Variants in SERF2 observed in about 807,000 individuals in gnomAD.
SERF2 encodes the protein gastric cancer-related protein VRG107.
In SERF2, 4 loss-of-function variants were observed where a neutral mutation model predicts 10.7. The ratio of observed to expected loss-of-function variants is 0.37; its 90% CI spans 0.18 to 0.86. The LOEUF is 0.86. Ranked by LOEUF, SERF2 falls within the 40% of genes least tolerant of loss-of-function variation. The probability of loss-of-function intolerance (pLI) is 0.43; values close to 1 mark genes in which losing one functional copy is unlikely to be tolerated. For synonymous variants in SERF2, 26 were observed against 26.0 expected, an observed-to-expected ratio of 1.00 and a Z score of 0.01; for missense variants, 47 against 79.1, an observed-to-expected ratio of 0.59 and a Z score of 1.54.
At chr15:43,789,184 C>G (rs1311441902), upstream of SERF2, among the ~76,000 whole-genome samples, 2 of 151,512 alleles carry the variant, frequency 1.3e-5, no homozygotes, top group African/African-American at 4.9e-5. Flanking sequence ...CTAAATGTAC[C>G]AAATAAAAAC....
rs200128740 is a variant in SERF2, at chr15:43,795,666, T to G, written c.*1893T>G. 43 of 1,613,536 alleles carry G rather than the reference T, an allele frequency of 2.7e-5. No individual in the cohort carries two copies. The highest frequency in any genetic ancestry group is 9.3e-5 in the African/African-American group (7 of 74,940). ...CTCCACAGAGATCTACCACTTCTTATGGTTCCTCACTTGGCACTCACCTTT... is the reference window on the plus strand; with the variant it reads ...CTCCACAGAGATCTACCACTTCTTAGGGTTCCTCACTTGGCACTCACCTTT... On this transcript the variant is annotated 3_prime_UTR_variant, in exon 3 of 3. Coordinates refer to ENST00000249786, the MANE Select transcript of SERF2 (RefSeq NM_001018108.4).
rs113368457 is a variant in SERF2 at position 43,783,846 on chromosome 15, C to T, written c.-526-1564C>T. Among the ~76,000 whole-genome samples the T allele has an allele frequency of 4.3e-3, 655 of 151,710 alleles. 4 individuals are homozygous for T. The highest frequency in any genetic ancestry group is 7.4e-3 in the Non-Finnish European group (500 of 67,912). ...ACGTGATCTTGGCTCACTGAAACCT[C>T]CACCTCTGGGTTCATGTGATTCTCC... On this transcript the variant is annotated intron_variant, in intron 1 of 4. Coordinates refer to the SERF2 transcript ENST00000381359.
upstream of SERF2, among the ~76,000 whole-genome samples, chr15:43,790,765 T>A (rs118169162): frequency 4.0e-5 from 6 of 151,590 alleles, no homozygotes; most frequent in Non-Finnish European, 5.9e-5. Flanking sequence ...ATTAACTGTT[T>A]ATTTATTATT....
chr15:43,782,081 G>A (rs1262419013), intron 1 of SERF2, among the ~76,000 whole-genome samples: 1 of 151,868 alleles, frequency 6.6e-6, no homozygotes, highest in African/African-American at 2.4e-5. Context: ...TAGAGATGGG[G>A]TTTCACCATG....
chr15:43,795,537 T>C lies in SERF2; in HGVS notation c.*1764T>C. 1 of 1,614,132 alleles carries C rather than the reference T, an allele frequency of 6.2e-7. No homozygotes were observed. Among genetic ancestry groups the C allele is most frequent in the Non-Finnish European group, 8.5e-7 (1 of 1,180,026 alleles). On this transcript the variant is annotated 3_prime_UTR_variant, in exon 3 of 3. Transcript: ENST00000249786. ...CAGCTGGCCTCGCAGCCCCACCCCT[T>C]TGCCCTGGAGAGAGGAAATGGCTGC...
chr15:43,779,959 T>C (rs567777094), intron 1 of SERF2, among the ~76,000 whole-genome samples: 2 of 152,312 alleles, frequency 1.3e-5, no homozygotes, highest in African/African-American at 4.8e-5. Context: ...TACATCTAAA[T>C]ATTGTTTGCA....
In SERF2 at chr15:43,795,089, A is replaced by G. The variant is rs151106509; in HGVS notation, c.*1316A>G. ...GGCTGGGGTTTCTGGGTGGGGGGCC[A>G]ACAGAGTGGTGCCAGTAACAGCCCC... is the stretch of plus-strand genomic sequence containing the variant. On this transcript the variant is annotated 3_prime_UTR_variant, in exon 3 of 3. Coordinates refer to ENST00000249786, the MANE Select transcript of SERF2 (RefSeq NM_001018108.4). The G allele has an allele frequency of 4.3e-4, 699 of 1,613,824 alleles. 1 individual carries two copies. Among genetic ancestry groups the G allele is most frequent in the Middle Eastern group, 1.4e-3 (8 of 5,826 alleles).
At position 43,792,334 on chromosome 15, in the gene SERF2, C is replaced by G; in HGVS notation, c.-43C>G. 6.6e-7 allele frequency: 1 copy of G among 1,518,784 alleles called. No individual in the cohort carries two copies. The highest frequency in any genetic ancestry group is 2.3e-5 in the East Asian group (1 of 44,340). 94.1% of individuals were successfully genotyped at this position (1,518,784 alleles called of 1,614,324 possible). On this transcript the variant is annotated 5_prime_UTR_variant, in exon 1 of 3. Transcript: ENST00000249786. ...GCGGGACCTGCAACGTCCGACAGAACGAGGGGACGTAACGGAGGCAGGTTG... is the reference window on the plus strand; with the variant it reads ...GCGGGACCTGCAACGTCCGACAGAAGGAGGGGACGTAACGGAGGCAGGTTG...
intron 2 of SERF2, 158 bp downstream of exon 2, chr15:43,793,241 A>C: frequency 3.3e-6 from 2 of 598,846 alleles, no homozygotes; most frequent in Non-Finnish European, 6.0e-6. Flanking sequence ...CCACCCTCCA[A>C]ATTGTTAGCT....
At chr15:43,784,925 G>C (rs1382043767) in intron 1 of SERF2, among the ~76,000 whole-genome samples, 1 of 146,408 alleles carries the variant, frequency 6.8e-6, no homozygotes, top group Non-Finnish European at 1.5e-5. Context: ...GCTAATTTTT[G>C]TATTTTTAGT....
chr15:43,794,086 GT>G lies in SERF2; in HGVS notation c.*315del. 9.3e-7 allele frequency: 1 copy of G among 1,075,288 alleles called. No homozygotes were observed. The highest frequency in any genetic ancestry group is 1.3e-6 in the Non-Finnish European group (1 of 774,318). 66.6% of individuals were successfully genotyped at this position (1,075,288 alleles called of 1,614,324 possible). ...TTGACTGGGGACTTGGGGGGATGGG[GT>G]TGGAAGAATGACTGCCCTTTCCCAC... On this transcript the variant is annotated 3_prime_UTR_variant, in exon 3 of 3. Coordinates refer to ENST00000249786, the MANE Select transcript of SERF2 (RefSeq NM_001018108.4).
chr15:43,785,933 T>C (rs561015114), intron 2 of SERF2, among the ~76,000 whole-genome samples: 1 of 151,966 alleles, frequency 6.6e-6, no homozygotes, highest in South Asian at 2.1e-4. Context: ...CTTGTACTCC[T>C]GACCTCAAGT....
At position 43,795,407 on chromosome 15, in the gene SERF2, T is replaced by C; in HGVS notation, c.*1634T>C. 1 of 1,614,102 alleles carries C rather than the reference T, an allele frequency of 6.2e-7. No individual in the cohort carries two copies. On this transcript the variant is annotated 3_prime_UTR_variant, in exon 3 of 3. Coordinates refer to ENST00000249786, the MANE Select transcript of SERF2 (RefSeq NM_001018108.4). ...TCTTACCTGAACCAGTTGGTAAGGGTAACCATGACATAGAGTGAGGCAAGG... is the reference window on the plus strand; with the variant it reads ...TCTTACCTGAACCAGTTGGTAAGGGCAACCATGACATAGAGTGAGGCAAGG...
Position 43,794,787 on chromosome 15 carries a change from G to T in SERF2, c.*1014G>T. On this transcript the variant is annotated 3_prime_UTR_variant, in exon 3 of 3. Transcript: ENST00000249786. Reference sequence around the variant, plus strand: ...ATTTGGGTGTTAGGCTCTTGAGCTGGGATGCAGATGTAACAGTAGCTCCAG... The same window carrying T: ...ATTTGGGTGTTAGGCTCTTGAGCTGTGATGCAGATGTAACAGTAGCTCCAG... The T allele has an allele frequency of 3.8e-6, 2 of 527,536 alleles. No individual in the cohort carries two copies. Among genetic ancestry groups the T allele is most frequent in the Admixed American group, 3.2e-5 (1 of 31,674 alleles). The allele number at this position is 527,536 out of a possible 1,614,324, so 32.7% of individuals were successfully genotyped here.
Position 43,794,086 on chromosome 15 carries a change from G to A in SERF2, c.*313G>A. The A allele has an allele frequency of 9.3e-7, 1 of 1,075,286 alleles. No homozygotes were observed. 66.6% of individuals were successfully genotyped at this position (1,075,286 alleles called of 1,614,324 possible). A position where few individuals can be genotyped will look rare whatever the true frequency, so the allele number is the denominator to read the frequency against. Reference sequence around the variant, plus strand: ...TTGACTGGGGACTTGGGGGGATGGGGTTGGAAGAATGACTGCCCTTTCCCA... The same window carrying A: ...TTGACTGGGGACTTGGGGGGATGGGATTGGAAGAATGACTGCCCTTTCCCA... On this transcript the variant is annotated 3_prime_UTR_variant, in exon 3 of 3. Transcript: ENST00000249786.
In SERF2 at chr15:43,793,796, C is replaced by T. The variant is rs1671201453; in HGVS notation, c.*23C>T. On this transcript the variant is annotated 3_prime_UTR_variant, in exon 3 of 3. Transcript: ENST00000249786. ...TAGCTTTGTGGCTTCGTGTCCAACC[C>T]TCTTGCCCTTCGCCTGTGTGCCTGG... The T allele has an allele frequency of 6.2e-7, 1 of 1,614,094 alleles. No individual in the cohort carries two copies. Among genetic ancestry groups the T allele is most frequent in the Non-Finnish European group, 8.5e-7 (1 of 1,180,044 alleles).
At chr15:43,793,194 C>A in intron 2 of SERF2, 111 bp downstream of exon 2, 3 of 678,470 alleles carry the variant, frequency 4.4e-6, no homozygotes, top group South Asian at 1.7e-5. Context: ...TCGTGAGGAG[C>A]AGAGTGCATT....
chr15:43,795,222 C>T lies in SERF2; in HGVS notation c.*1449C>T. ...GTTCTGCTCCCTCATAGCTGTGTAA[C>T]CAAAGGCTCTGGTTAGAGAATATGA... On this transcript the variant is annotated 3_prime_UTR_variant, in exon 3 of 3. Transcript: ENST00000249786. 1.2e-6 allele frequency: 2 copies of T among 1,613,740 alleles called. No homozygotes were observed. The highest frequency in any genetic ancestry group is 1.7e-6 in the Non-Finnish European group (2 of 1,179,706).
At chr15:43,778,893 C>T (rs1249110009) in intron 1 of SERF2, among the ~76,000 whole-genome samples, 3 of 152,046 alleles carry the variant, frequency 2.0e-5, no homozygotes, top group Non-Finnish European at 4.4e-5. Context: ...GAGTGAGACT[C>T]CATCTCAAAA....
Sources: allele counts gnomAD v4.1 joint callset (sites outside exome capture counted in the v4.1 genomes callset), GRCh38; gene constraint gnomAD v4.1.1; transcripts MANE v1.5; gene names NCBI Gene and HGNC (gene_info 2026-07-23, HGNC 2026-07-21).